KCNJ10: variants seen among roughly 807,000 people sequenced by gnomAD.
The protein encoded by KCNJ10 is potassium inwardly rectifying channel subfamily J member 10.
KCNJ10 carries 9 observed loss-of-function variants against 22.2 expected under a neutral mutation model. The observed-to-expected ratio is 0.40, with a 90% CI of 0.24 to 0.71. The LOEUF (loss-of-function observed/expected upper bound fraction) is 0.71, where lower values mean the gene tolerates loss of function less well. Among genes scored for constraint, KCNJ10 ranks in the 30% least tolerant of loss-of-function variants. The pLI, the probability that KCNJ10 is intolerant of heterozygous loss-of-function variation, is 0.35. For missense variants in KCNJ10, 337 were observed against 482.7 expected, an observed-to-expected ratio of 0.70 and a Z score of 2.83; for synonymous variants, 184 against 187.3, an observed-to-expected ratio of 0.98 and a Z score of 0.15.
Position 160,040,454 on chromosome 1 carries a change from G to A in KCNJ10, c.*939C>T. On this transcript the variant is annotated 3_prime_UTR_variant, in exon 2 of 2. Coordinates refer to ENST00000644903, the MANE Select transcript of KCNJ10 (RefSeq NM_002241.5). ...GAAGGATCTAGGCTGAGCAGGAAAG[G>A]AAGAAGAGAAGCCAGGTACAGTGTA... 2.5e-6 allele frequency: 1 copy of A among 398,510 alleles called. No individual in the cohort carries two copies. 24.7% of individuals were successfully genotyped at this position (398,510 alleles called of 1,614,324 possible). A position where few individuals can be genotyped will look rare whatever the true frequency, so the allele number is the denominator to read the frequency against.
rs536872136 is a variant in KCNJ10 at position 160,045,898 on chromosome 1, T to G, written c.1-3366A>C. Among the ~76,000 whole-genome samples the G allele has an allele frequency of 2.0e-5, 3 of 152,336 alleles. No individual in the cohort carries two copies. The East Asian group carries it at 5.8e-4, about 29-fold the overall frequency. ...CCAAGAGGAACAATCAGGGAGTTCA[T>G]ACTGCAGGGATAAAGATTGCAAGTT... On this transcript the variant is annotated intron_variant, in intron 1 of 1. Coordinates refer to ENST00000644903, the MANE Select transcript of KCNJ10 (RefSeq NM_002241.5).
chr1:160,067,236 A>G (rs973894855), intron 1 of KCNJ10, among the ~76,000 whole-genome samples: 1 of 152,072 alleles, frequency 6.6e-6, no homozygotes, highest in Non-Finnish European at 1.5e-5. Context: ...GGCATTTCCC[A>G]CAATCCCTTT....
Position 160,052,013 on chromosome 1 carries a change from G to A in KCNJ10, c.1-9481C>T, listed in dbSNP as rs151252547. Reference sequence around the variant, plus strand: ...TGCTATCCATCTAATCATAACTCTCGCCTTCAAATTCTTTACCACACTTTA... The same window carrying A: ...TGCTATCCATCTAATCATAACTCTCACCTTCAAATTCTTTACCACACTTTA... On this transcript the variant is annotated intron_variant, in intron 1 of 1. Coordinates refer to ENST00000644903, the MANE Select transcript of KCNJ10 (RefSeq NM_002241.5). Among the ~76,000 whole-genome samples the A allele has an allele frequency of 3.9e-3, 592 of 151,866 alleles. 4 individuals carry two copies. The highest frequency in any genetic ancestry group is 0.013 in the African/African-American group (553 of 41,388).
chr1:160,045,342 C>G (rs1648719960), intron 1 of KCNJ10, among the ~76,000 whole-genome samples: 1 of 152,118 alleles, frequency 6.6e-6, no homozygotes, highest in African/African-American at 2.4e-5. Flanking sequence ...CAATTGTGTG[C>G]CTGACAGAAA....
intron 1 of KCNJ10, among the ~76,000 whole-genome samples, chr1:160,055,778 CT>C (rs1450673876): frequency 6.6e-6 from 1 of 152,166 alleles, no homozygotes; most frequent in Non-Finnish European, 1.5e-5. Flanking sequence ...GTAATCTCTC[CT>C]CTGCACCTTA....
chr1:160,062,167 G>A (rs1649215394), intron 1 of KCNJ10, among the ~76,000 whole-genome samples: 1 of 152,086 alleles, frequency 6.6e-6, no homozygotes, highest in Non-Finnish European at 1.5e-5. Flanking sequence ...TCCCCAGCCT[G>A]CCCAGAGAGT....
intron 1 of KCNJ10, among the ~76,000 whole-genome samples, chr1:160,057,159 T>C (rs1337336385): frequency 2.0e-5 from 3 of 152,260 alleles, no homozygotes; most frequent in South Asian, 2.1e-4. Flanking sequence ...ATATGAAATC[T>C]GTAAGGCCCT....
intron 1 of KCNJ10, among the ~76,000 whole-genome samples, chr1:160,050,268 G>A (rs1301922223): frequency 6.6e-6 from 1 of 150,778 alleles, no homozygotes; most frequent in African/African-American, 2.4e-5. Flanking sequence ...TGAGTACCTG[G>A]GACTACAGGT....
At chr1:160,063,162 C>T (rs968303818) in intron 1 of KCNJ10, among the ~76,000 whole-genome samples, 2 of 152,204 alleles carry the variant, frequency 1.3e-5, no homozygotes, top group African/African-American at 2.4e-5. Context: ...CCAGCAGGCA[C>T]CCCTATCCTC....
At chr1:160,043,700 G>T (rs1056819353) in intron 1 of KCNJ10, among the ~76,000 whole-genome samples, 1 of 152,248 alleles carries the variant, frequency 6.6e-6, no homozygotes, top group Non-Finnish European at 1.5e-5. Flanking sequence ...AGAGCTAGGG[G>T]TGTATATTAA....
intron 1 of KCNJ10, among the ~76,000 whole-genome samples, chr1:160,061,434 A>G (rs1017968562): frequency 1.3e-5 from 2 of 152,044 alleles, no homozygotes; most frequent in African/African-American, 4.8e-5. Context: ...GTGGGGCTTT[A>G]GTTATTCACA....
intron 1 of KCNJ10, among the ~76,000 whole-genome samples, chr1:160,060,789 A>G (rs112188318): frequency 2.6e-4 from 40 of 152,174 alleles, no homozygotes; most frequent in Admixed American, 6.5e-5. Context: ...AGCCGTAGAT[A>G]CAGCCTACAG....
At chr1:160,060,733 T>A (rs1045719450) in intron 1 of KCNJ10, among the ~76,000 whole-genome samples, 1 of 152,156 alleles carries the variant, frequency 6.6e-6, no homozygotes, top group Non-Finnish European at 1.5e-5. Flanking sequence ...TTTTAGGGCA[T>A]CTGCTCCCAA....
chr1:160,049,720 T>TATAAAA (rs1201390198), intron 1 of KCNJ10, among the ~76,000 whole-genome samples: 1 of 122,944 alleles, frequency 8.1e-6, no homozygotes, highest in African/African-American at 3.2e-5. Flanking sequence ...TATATATATA[T>TATAAAA]GTTATCCTAA....
In KCNJ10 at chr1:160,041,391, C is replaced by A; in HGVS notation, c.*2G>T. 6.2e-7 allele frequency: 1 copy of A among 1,611,594 alleles called. No homozygotes were observed. The highest frequency in any genetic ancestry group is 1.1e-5 in the South Asian group (1 of 90,684). ...GAGGAATGGGGGAGTGGGAACAGGTCATCAGACATTGCTGATGCGCACACT... is the reference window on the plus strand; with the variant it reads ...GAGGAATGGGGGAGTGGGAACAGGTAATCAGACATTGCTGATGCGCACACT... On this transcript the variant is annotated 3_prime_UTR_variant, in exon 2 of 2. Coordinates refer to ENST00000644903, the MANE Select transcript of KCNJ10 (RefSeq NM_002241.5). The surrounding 1 kb of genome is among the most constrained non-coding windows in gnomAD (Gnocchi z 4.4).
chr1:160,058,773 C>T (rs967287322), intron 1 of KCNJ10, among the ~76,000 whole-genome samples: 1 of 152,184 alleles, frequency 6.6e-6, no homozygotes, highest in African/African-American at 2.4e-5. Flanking sequence ...ACCCACTTCA[C>T]GCATGCATCA....
At chr1:160,062,211 C>G (rs1649217233) in intron 1 of KCNJ10, among the ~76,000 whole-genome samples, 1 of 152,072 alleles carries the variant, frequency 6.6e-6, no homozygotes, top group Admixed American at 6.5e-5. Context: ...CCCCCTGGCC[C>G]AGGGCCCACT....
Position 160,041,388 on chromosome 1 carries a change from G to T in KCNJ10, c.*5C>A, listed in dbSNP as rs1648596167. On this transcript the variant is annotated 3_prime_UTR_variant, in exon 2 of 2. Coordinates refer to ENST00000644903, the MANE Select transcript of KCNJ10 (RefSeq NM_002241.5). The surrounding 1 kb of genome is among the most constrained non-coding windows in gnomAD (Gnocchi z 4.4). ...CCAGAGGAATGGGGGAGTGGGAACAGGTCATCAGACATTGCTGATGCGCAC... is the reference window on the plus strand; with the variant it reads ...CCAGAGGAATGGGGGAGTGGGAACATGTCATCAGACATTGCTGATGCGCAC... 6.2e-7 allele frequency: 1 copy of T among 1,611,158 alleles called. No individual in the cohort carries two copies. Among genetic ancestry groups the T allele is most frequent in the Admixed American group, 1.7e-5 (1 of 59,836 alleles).
chr1:160,066,139 G>C (rs896875124), intron 1 of KCNJ10, among the ~76,000 whole-genome samples: 1 of 152,160 alleles, frequency 6.6e-6, no homozygotes, highest in Non-Finnish European at 1.5e-5. Flanking sequence ...GGCTGAAAGA[G>C]AAGTTGCTGA....
Sources: gnomAD v4.1 joint callset for allele counts (sites outside exome capture counted in the v4.1 genomes callset) on GRCh38, gnomAD v4.1.1 for gene constraint, Gnocchi (gnomAD v3.1) non-coding constraint, MANE v1.5 for transcripts, NCBI Gene and HGNC (gene_info 2026-07-23, HGNC 2026-07-21) for gene names.